The following JMY variants were observed in gnomAD, a reference collection of about 807,000 sequenced individuals.
JMY encodes junction-mediating and -regulatory protein.
JMY carries 46 observed loss-of-function variants against 103.3 expected under a neutral mutation model. The observed-to-expected ratio is 0.45, with a 90% CI of 0.35 to 0.57. The LOEUF (loss-of-function observed/expected upper bound fraction) is 0.57. Among genes scored for constraint, JMY ranks in the 20% least tolerant of loss-of-function variants. The pLI, the probability that JMY is intolerant of heterozygous loss-of-function variation, is 0.00. For missense variants in JMY, 1,238 were observed against 1,255.2 expected, an observed-to-expected ratio of 0.99 and a Z score of 0.21; for synonymous variants, 526 against 489.3, an observed-to-expected ratio of 1.07 and a Z score of -0.99.
At chr5:79,285,056 C>T (rs1580354755) in intron 2 of JMY, 4 of 591,418 alleles carry the variant, frequency 6.8e-6, no homozygotes, top group Non-Finnish European at 1.2e-5. Flanking sequence ...TCATCTTGAT[C>T]AACCATAAGC....
intron 1 of JMY, among the ~76,000 whole-genome samples, chr5:79,255,619 A>G (rs1745216318): frequency 6.6e-6 from 1 of 152,202 alleles, no homozygotes; most frequent in South Asian, 2.1e-4. Flanking sequence ...GGGTGTTGTG[A>G]TGTAAGCTGT....
chr5:79,316,345 A>C (rs1172768781), intron 10 of JMY, 35 bp downstream of exon 10: 1 of 1,485,062 alleles, frequency 6.7e-7, no homozygotes. Flanking sequence ...AGCATTCAGT[A>C]ATACAGGTTT....
At chr5:79,251,244 T>C (rs1031260371) in intron 1 of JMY, among the ~76,000 whole-genome samples, 4 of 152,144 alleles carry the variant, frequency 2.6e-5, no homozygotes, top group African/African-American at 9.7e-5. Context: ...TATTTTATTA[T>C]ACTTTGAGAC....
chr5:79,266,230 TTAAG>T (rs138223533), intron 1 of JMY, among the ~76,000 whole-genome samples: 2 of 152,334 alleles, frequency 1.3e-5, no homozygotes, highest in African/African-American at 2.4e-5. Context: ...TCTCTACAGA[TTAAG>T]TAAGCTCTTT....
intron 5 of JMY, among the ~76,000 whole-genome samples, 158 bp downstream of exon 5, chr5:79,300,476 C>T (rs1049816904): frequency 5.9e-5 from 9 of 151,880 alleles, no homozygotes; most frequent in Admixed American, 2.0e-4. Context: ...TGAGCACTTA[C>T]TGTTTGCCAG....
intron 1 of JMY, among the ~76,000 whole-genome samples, chr5:79,239,115 G>A (rs1290301699): frequency 6.6e-6 from 1 of 152,084 alleles, no homozygotes; most frequent in East Asian, 1.9e-4. Context: ...TTAGATTTGA[G>A]TATTTAAGAA....
chr5:79,269,902 A>C (rs188661812), intron 1 of JMY, among the ~76,000 whole-genome samples: 1 of 151,144 alleles, frequency 6.6e-6, no homozygotes, highest in South Asian at 2.1e-4. Flanking sequence ...TAATTAAAAA[A>C]TTTTTTTTTG....
chr5:79,267,805 A>G (rs1324469447), intron 1 of JMY, among the ~76,000 whole-genome samples: 3 of 152,374 alleles, frequency 2.0e-5, no homozygotes, highest in South Asian at 2.1e-4. Flanking sequence ...TCTTGGTTGC[A>G]TTCATGTTTT....
chr5:79,295,607 T>A (rs1348993177), intron 4 of JMY, among the ~76,000 whole-genome samples: 1 of 152,184 alleles, frequency 6.6e-6, no homozygotes, highest in Non-Finnish European at 1.5e-5. Context: ...GCTTAAGATG[T>A]TTACTTGCCT....
intron 1 of JMY, among the ~76,000 whole-genome samples, chr5:79,272,937 A>G (rs1482903245): frequency 6.6e-6 from 1 of 152,184 alleles, no homozygotes. Context: ...CACCCAGCCC[A>G]TCTTATACTT....
chr5:79,319,863 A>T (rs2112126951), intron 10 of JMY, among the ~76,000 whole-genome samples: 1 of 152,242 alleles, frequency 6.6e-6, no homozygotes, highest in African/African-American at 2.4e-5. Flanking sequence ...TACAGGTGTG[A>T]GCCACTGTGC....
chr5:79,256,638 A>G (rs1580334101), intron 1 of JMY, among the ~76,000 whole-genome samples: 1 of 152,102 alleles, frequency 6.6e-6, no homozygotes, highest in East Asian at 1.9e-4. Flanking sequence ...TGTTGGCCTC[A>G]AGTGATTGTT....
Position 79,322,833 on chromosome 5 carries a change from C to G in JMY, c.*1231C>G, listed in dbSNP as rs1747502790. Reference sequence around the variant, plus strand: ...ACATATAATTCTGCATAAGACAGATCTTGGCCTTTCTGTGGAGGGAGTTAA... The same window carrying G: ...ACATATAATTCTGCATAAGACAGATGTTGGCCTTTCTGTGGAGGGAGTTAA... On this transcript the variant is annotated 3_prime_UTR_variant, in exon 11 of 11. Transcript: ENST00000396137. The G allele has an allele frequency of 6.6e-6, 1 of 152,168 alleles. No individual in the cohort carries two copies. The highest frequency in any genetic ancestry group is 2.4e-5 in the African/African-American group (1 of 41,418). The allele number at this position is 152,168 out of a possible 1,614,324, so 9.4% of individuals were successfully genotyped here.
At chr5:79,248,497 TG>T (rs763383633) in intron 1 of JMY, among the ~76,000 whole-genome samples, 3 of 150,358 alleles carry the variant, frequency 2.0e-5, no homozygotes, top group Non-Finnish European at 4.4e-5. Flanking sequence ...TTAGTAGAGA[TG>T]GGGTTTCACC....
intron 2 of JMY, chr5:79,284,130 C>G (rs1055721216): frequency 6.5e-6 from 10 of 1,526,790 alleles, no homozygotes; most frequent in Admixed American, 2.0e-5. Flanking sequence ...GAAGTCTGAA[C>G]TTTAAACAGA....
intron 4 of JMY, among the ~76,000 whole-genome samples, chr5:79,297,037 A>G (rs1280957538): frequency 6.6e-6 from 1 of 152,196 alleles, no homozygotes; most frequent in African/African-American, 2.4e-5. Context: ...AACAATAACA[A>G]TAACACTTTG....
chr5:79,291,747 C>T (rs1434966024), intron 4 of JMY, among the ~76,000 whole-genome samples: 2 of 152,202 alleles, frequency 1.3e-5, no homozygotes, highest in African/African-American at 4.8e-5. Flanking sequence ...TCTCCCCCAT[C>T]TCCCACCACC....
intron 2 of JMY, among the ~76,000 whole-genome samples, chr5:79,279,907 G>A (rs1746059282): frequency 6.6e-6 from 1 of 152,142 alleles, no homozygotes; most frequent in Non-Finnish European, 1.5e-5. Context: ...ACAGTGGCAT[G>A]ATCTCAGCTC....
At chr5:79,306,299 C>G (rs1746878636) in intron 6 of JMY, 76 bp from the exon 7 acceptor site, 1 of 1,020,450 alleles carries the variant, frequency 9.8e-7, no homozygotes, top group Non-Finnish European at 1.5e-6. Context: ...ATATTAAGAT[C>G]AAAATTTAAC....
Sources: allele counts gnomAD v4.1 joint callset (sites outside exome capture counted in the v4.1 genomes callset), GRCh38; gene constraint gnomAD v4.1.1; transcripts MANE v1.5; gene names NCBI Gene and HGNC (gene_info 2026-07-23, HGNC 2026-07-21).